The following PREX2 variants were observed in gnomAD, a reference collection of about 807,000 sequenced individuals.
PREX2 encodes the protein phosphatidylinositol-3,4,5-trisphosphate dependent Rac exchange factor 2.
PREX2 carries 107 observed loss-of-function variants against 203.2 expected under a neutral mutation model. That is an observed-to-expected ratio of 0.53 (90% CI 0.45 to 0.62). The LOEUF is 0.62. PREX2 is among the 20% of genes least tolerant of loss of function. PREX2 has a pLI of 0.00. For synonymous variants in PREX2, 672 were observed against 663.6 expected (o/e 1.01, Z -0.19); for missense variants, 1,777 against 1,955.9 (o/e 0.91, Z 1.72).
chr8:68,184,940 C>G (rs1473249803), intron 35 of PREX2, among the ~76,000 whole-genome samples: 1 of 152,188 alleles, frequency 6.6e-6, no homozygotes, highest in Non-Finnish European at 1.5e-5. Flanking sequence ...ATTCTCATTA[C>G]TTACCCATTT....
chr8:68,098,438 C>A (rs1810153524), intron 22 of PREX2, among the ~76,000 whole-genome samples: 1 of 152,054 alleles, frequency 6.6e-6, no homozygotes. Context: ...TTAAAAATCT[C>A]ATCATTCTGA....
intron 35 of PREX2, among the ~76,000 whole-genome samples, chr8:68,177,804 G>T (rs1400073739): frequency 6.6e-6 from 1 of 152,110 alleles, no homozygotes; most frequent in East Asian, 1.9e-4. Flanking sequence ...CCATACAACA[G>T]GCTCCAATGT....
At chr8:68,048,632 G>T (rs2129611003) in intron 8 of PREX2, among the ~76,000 whole-genome samples, 1 of 151,868 alleles carries the variant, frequency 6.6e-6, no homozygotes, top group South Asian at 2.1e-4. Context: ...GGACATTGCA[G>T]AAAAATAGAA....
chr8:68,192,403 C>T lies in PREX2; in HGVS notation c.4482C>T (p.Arg1494=), dbSNP rs1343249942. 6.2e-7 allele frequency: 1 copy of T among 1,613,924 alleles called. No individual in the cohort carries two copies. The highest frequency in any genetic ancestry group is 8.5e-7 in the Non-Finnish European group (1 of 1,179,954). The change falls in exon 37 of 40, where the codon CGC becomes CGT. Residue 1494 remains arginine (R), a synonymous_variant. Transcript: ENST00000288368. ...TAGCCTCGTTTATCAGATCCAAGCGCACAGCTGCCTGTGCAAACACAGCTT... is the reference window on the plus strand; with the variant it reads ...TAGCCTCGTTTATCAGATCCAAGCGTACAGCTGCCTGTGCAAACACAGCTT... The part of the protein sequence containing the change: ...RLVASFIRSK[R]TAACANTACS...
chr8:68,015,592 G>T (rs919679935), intron 1 of PREX2, among the ~76,000 whole-genome samples: 1 of 152,186 alleles, frequency 6.6e-6, no homozygotes, highest in African/African-American at 2.4e-5. Context: ...GTTTATAAAT[G>T]TAGAGGTGAA....
chr8:68,172,368 A>G (rs1811894765), intron 35 of PREX2, among the ~76,000 whole-genome samples: 1 of 152,226 alleles, frequency 6.6e-6, no homozygotes, highest in Non-Finnish European at 1.5e-5. Flanking sequence ...TGTATTCAAC[A>G]AATACTGTGC....
At chr8:68,231,306 T>A in intron 39 of PREX2, 27 bp from the exon 40 acceptor site, 1 of 1,555,294 alleles carries the variant, frequency 6.4e-7, no homozygotes, top group Non-Finnish European at 8.7e-7. Context: ...ACTAAGTCAC[T>A]GTCAAACTTT....
At chr8:68,045,858 T>G (rs546821170) in intron 8 of PREX2, among the ~76,000 whole-genome samples, 24 of 152,232 alleles carry the variant, frequency 1.6e-4, no homozygotes, top group African/African-American at 5.8e-4. Flanking sequence ...GTACACATTA[T>G]TTTTTACAAG....
rs1355587562 is a variant in PREX2, at chr8:67,952,345, G to C, written c.-50G>C. Reference sequence around the variant, plus strand: ...GGGCCGGGCAGCAGCGGGCGCGCGGGTCAGCGCTCAGCACGGCGGGCAGCG... The same window carrying C: ...GGGCCGGGCAGCAGCGGGCGCGCGGCTCAGCGCTCAGCACGGCGGGCAGCG... On this transcript the variant is annotated 5_prime_UTR_variant, in exon 1 of 40. Coordinates refer to ENST00000288368, the MANE Select transcript of PREX2 (RefSeq NM_024870.4). The C allele has an allele frequency of 4.2e-6, 6 of 1,418,602 alleles. No homozygotes were observed. The highest frequency in any genetic ancestry group is 5.5e-6 in the Non-Finnish European group (6 of 1,092,566). 87.9% of individuals were successfully genotyped at this position (1,418,602 alleles called of 1,614,324 possible).
intron 26 of PREX2, among the ~76,000 whole-genome samples, 184 bp from the exon 27 acceptor site, chr8:68,118,366 A>G (rs1810701695): frequency 6.6e-6 from 1 of 152,158 alleles, no homozygotes; most frequent in Non-Finnish European, 1.5e-5. Context: ...AAAAAAAAAA[A>G]AAAAGACAGA....
intron 37 of PREX2, among the ~76,000 whole-genome samples, chr8:68,215,711 T>G (rs28493472): frequency 6.6e-6 from 1 of 151,978 alleles, no homozygotes; most frequent in East Asian, 1.9e-4. Flanking sequence ...GATTTTTTTT[T>G]TATTTTTAGT....
intron 30 of PREX2, among the ~76,000 whole-genome samples, chr8:68,121,538 C>A (rs1810773763): frequency 6.6e-6 from 1 of 152,082 alleles, no homozygotes; most frequent in South Asian, 2.1e-4. Flanking sequence ...ATTTACATGA[C>A]ATTCTATAAT....
At chr8:68,122,789 T>G (rs1164879908) in intron 30 of PREX2, among the ~76,000 whole-genome samples, 4 of 152,156 alleles carry the variant, frequency 2.6e-5, no homozygotes, top group African/African-American at 9.6e-5. Context: ...GGCAGGTTAT[T>G]CAATATCCAT....
intron 37 of PREX2, among the ~76,000 whole-genome samples, chr8:68,203,330 T>C (rs1377760660): frequency 6.6e-6 from 1 of 151,906 alleles, no homozygotes; most frequent in Non-Finnish European, 1.5e-5. Flanking sequence ...AGGAAGAAAA[T>C]ATGCATTCAT....
At chr8:67,994,702 A>G (rs895946818) in intron 1 of PREX2, among the ~76,000 whole-genome samples, 2 of 152,216 alleles carry the variant, frequency 1.3e-5, no homozygotes, top group Admixed American at 6.5e-5. Context: ...TCAGAGAAAC[A>G]TATTTGACCT....
At chr8:68,094,960 A>G (rs13261414) in intron 21 of PREX2, 22,908 of 152,228 alleles carry the variant, frequency 0.15, 1,736 homozygotes, top group East Asian at 0.28. Flanking sequence ...GTTATTTGCT[A>G]GAACAGCTCA....
intron 21 of PREX2, chr8:68,095,154 C>T (rs1810019808): frequency 6.6e-6 from 1 of 152,220 alleles, no homozygotes; most frequent in African/African-American, 2.4e-5. Context: ...CACTCAGAAG[C>T]TCTCCAATTC....
intron 1 of PREX2, among the ~76,000 whole-genome samples, chr8:68,010,629 G>A (rs1807231720): frequency 6.6e-6 from 1 of 152,120 alleles, no homozygotes; most frequent in African/African-American, 2.4e-5. Context: ...AGGCACATAT[G>A]ATTATTAACC....
chr8:68,107,521 A>G (rs1387703431), intron 23 of PREX2, among the ~76,000 whole-genome samples: 1 of 152,210 alleles, frequency 6.6e-6, no homozygotes, highest in Non-Finnish European at 1.5e-5. Flanking sequence ...GGCAGAGTGC[A>G]CACTAGTCTT....
Sources: allele counts gnomAD v4.1 joint callset (sites outside exome capture counted in the v4.1 genomes callset), GRCh38; gene constraint gnomAD v4.1.1; transcripts MANE v1.5; gene names NCBI Gene and HGNC (gene_info 2026-07-23, HGNC 2026-07-21).